Variants in HSF2 observed in about 807,000 individuals in gnomAD.
The protein encoded by HSF2 is heat shock factor protein 2.
In HSF2, 21 loss-of-function variants were observed where a neutral mutation model predicts 65.0. That is an observed-to-expected ratio of 0.32 (90% confidence interval 0.23 to 0.47). HSF2 has a LOEUF of 0.47. Ranked by LOEUF, HSF2 falls within the 20% of genes least tolerant of loss-of-function variation. The pLI is 1.00. For missense variants in HSF2, 499 were observed against 628.1 expected, an observed-to-expected ratio of 0.79 and a Z score of 2.20; for synonymous variants, 225 against 219.1, an observed-to-expected ratio of 1.03 and a Z score of -0.24.
At chr6:122,424,634 T>C (rs1041591606) in intron 10 of HSF2, among the ~76,000 whole-genome samples, 2 of 152,096 alleles carry the variant, frequency 1.3e-5, no homozygotes, top group African/African-American at 4.8e-5. Context: ...TCTTTGAAGA[T>C]TTCTTTTCCA....
intron 1 of HSF2, among the ~76,000 whole-genome samples, chr6:122,407,446 T>G (rs1773892211): frequency 1.3e-5 from 2 of 152,218 alleles, no homozygotes; most frequent in African/African-American, 4.8e-5. Flanking sequence ...GTTCTTACTT[T>G]TTACCAATCT....
At chr6:122,415,715 G>A (rs892526611) in intron 4 of HSF2, among the ~76,000 whole-genome samples, 2 of 152,086 alleles carry the variant, frequency 1.3e-5, no homozygotes, top group South Asian at 2.1e-4. Flanking sequence ...ACTACACTTA[G>A]GAAGGAATGA....
chr6:122,429,034 TACAG>T (rs1368962944), intron 11 of HSF2, among the ~76,000 whole-genome samples: 2 of 152,234 alleles, frequency 1.3e-5, no homozygotes, highest in South Asian at 2.1e-4. Flanking sequence ...TGAAAGCAGA[TACAG>T]ACAATATGTA....
At chr6:122,422,680 G>A in intron 8 of HSF2, 38 bp from the exon 9 acceptor site, 2 of 1,598,954 alleles carry the variant, frequency 1.3e-6, no homozygotes, top group Non-Finnish European at 1.7e-6. Flanking sequence ...TATTAAATTT[G>A]AAAATGTAAT....
At chr6:122,418,212 T>C (rs1774164865) in intron 5 of HSF2, among the ~76,000 whole-genome samples, 1 of 152,206 alleles carries the variant, frequency 6.6e-6, no homozygotes, top group Admixed American at 6.5e-5. Flanking sequence ...TTTTTATAGT[T>C]TACCATATGA....
chr6:122,400,876 C>CATAA (rs1314577624), intron 1 of HSF2, among the ~76,000 whole-genome samples: 180 of 152,220 alleles, frequency 1.2e-3, no homozygotes, highest in African/African-American at 4.2e-3. Flanking sequence ...GTGAAAACTA[C>CATAA]CTGCATAGTG....
At chr6:122,418,828 A>G (rs1774175803) in intron 5 of HSF2, among the ~76,000 whole-genome samples, 1 of 152,082 alleles carries the variant, frequency 6.6e-6, no homozygotes, top group South Asian at 2.1e-4. Flanking sequence ...CTGACGGTTT[A>G]TTTTGCCTCT....
rs1446818946 is a variant in HSF2, at chr6:122,399,907, C to T, written c.93+77C>T. On this transcript the variant is annotated intron_variant, in intron 1 of 12. Coordinates refer to ENST00000368455, the MANE Select transcript of HSF2 (RefSeq NM_004506.4). ...CTCGCTCTCCTGCGGGGTGGTCTCT[C>T]GCGGCCTTGCGGCTCGACGCTGTCT... The T allele has an allele frequency of 3.5e-6, 4 of 1,137,076 alleles. No homozygotes were observed. In the South Asian group the frequency reaches 3.8e-5, roughly 11 times the overall value. 70.4% of individuals were successfully genotyped at this position (1,137,076 alleles called of 1,614,324 possible). A position where few individuals can be genotyped will look rare whatever the true frequency, so the allele number is the denominator to read the frequency against.
chr6:122,412,720 T>C lies in HSF2; in HGVS notation c.286T>C (p.Phe96Leu). The C allele has an allele frequency of 6.2e-7, 1 of 1,612,986 alleles. No homozygotes were observed. The highest frequency in any genetic ancestry group is 1.1e-5 in the South Asian group (1 of 91,042). Residue 96 changes from phenylalanine to leucine, a missense_variant, in exon 3 of 13, where the codon TTC (phenylalanine) becomes CTC (leucine). Phe to Leu is a conservative substitution (Grantham distance 22). This residue lies in a region of HSF2 where 150 missense variants were observed against 234.6 expected (regional missense o/e 0.64). Coordinates refer to ENST00000368455, the MANE Select transcript of HSF2 (RefSeq NM_004506.4). ...TCCTGTAGAATTTCAGCATCCTTAC[T>C]TCAAACAAGGACAGGATGACTTGTT... ...DGPVEFQHPYFKQGQDDLLEN... is the reference protein window; with the variant it reads ...DGPVEFQHPYLKQGQDDLLEN...
Position 122,399,657 on chromosome 6 carries a change from C to G in HSF2, c.-81C>G. 2.0e-6 allele frequency: 2 copies of G among 992,704 alleles called. No individual in the cohort carries two copies. Among genetic ancestry groups the G allele is most frequent in the Non-Finnish European group, 1.5e-6 (1 of 662,584 alleles). 61.5% of individuals were successfully genotyped at this position (992,704 alleles called of 1,614,324 possible). On this transcript the variant is annotated 5_prime_UTR_variant, in exon 1 of 13. Transcript: ENST00000368455. ...GCTGCGCCTGCGTTGTGGGCGTTCT[C>G]GGGGAGCTGCTGCCGTAGCTGCCGC...
chr6:122,416,156 A>G (rs1024623212), intron 4 of HSF2, 65 bp from the exon 5 acceptor site: 2 of 951,302 alleles, frequency 2.1e-6, no homozygotes, highest in Non-Finnish European at 3.4e-6. Context: ...TTAATTAAAG[A>G]TACTATGGTC....
intron 1 of HSF2, among the ~76,000 whole-genome samples, chr6:122,400,486 A>G (rs185529416): frequency 1.1e-4 from 17 of 152,228 alleles, no homozygotes; most frequent in African/African-American, 3.9e-4. Flanking sequence ...TTGTTTTAAT[A>G]AAGTACTAAT....
At chr6:122,415,567 A>G (rs1381314486) in intron 4 of HSF2, among the ~76,000 whole-genome samples, 3 of 152,124 alleles carry the variant, frequency 2.0e-5, no homozygotes, top group African/African-American at 7.2e-5. Flanking sequence ...CTTGGTAACC[A>G]CAGTTGAAAG....
At chr6:122,403,813 CTG>C (rs1239413761) in intron 1 of HSF2, among the ~76,000 whole-genome samples, 1 of 152,022 alleles carries the variant, frequency 6.6e-6, no homozygotes. Context: ...CGACCTAAAA[CTG>C]TTTTAAATCT....
At chr6:122,417,027 A>G (rs1242578674) in intron 5 of HSF2, among the ~76,000 whole-genome samples, 1 of 152,236 alleles carries the variant, frequency 6.6e-6, no homozygotes, top group Non-Finnish European at 1.5e-5. Flanking sequence ...GCTCCTGCTT[A>G]GAAGGCCCTT....
chr6:122,430,170 G>A (rs1286638678), intron 11 of HSF2, among the ~76,000 whole-genome samples: 1 of 152,038 alleles, frequency 6.6e-6, no homozygotes, highest in Non-Finnish European at 1.5e-5. Context: ...ATTAATTACT[G>A]CCTCAATTTC....
chr6:122,415,309 C>G (rs1452616001), intron 4 of HSF2, among the ~76,000 whole-genome samples: 1 of 152,118 alleles, frequency 6.6e-6, no homozygotes, highest in African/African-American at 2.4e-5. Flanking sequence ...TAGAATCTGA[C>G]AGACTTTAGT....
At chr6:122,404,227 T>G (rs1353344480) in intron 1 of HSF2, among the ~76,000 whole-genome samples, 1 of 152,222 alleles carries the variant, frequency 6.6e-6, no homozygotes, top group East Asian at 1.9e-4. Flanking sequence ...GTTTTCTAGC[T>G]GTTTTGGATG....
chr6:122,408,721 T>C (rs1460527106), intron 1 of HSF2, among the ~76,000 whole-genome samples: 1 of 152,144 alleles, frequency 6.6e-6, no homozygotes, highest in African/African-American at 2.4e-5. Context: ...CTTCCGTTTT[T>C]CTTTTGGCAG....
Sources: gnomAD v4.1 joint callset for allele counts (sites outside exome capture counted in the v4.1 genomes callset) on GRCh38, gnomAD v4.1.1 for gene constraint, gnomAD v4.1.1 regional missense constraint, MANE v1.5 for transcripts, NCBI Gene and HGNC (gene_info 2026-07-23, HGNC 2026-07-21) for gene names.